The following POGLUT3 variants were observed in gnomAD, a reference collection of about 807,000 sequenced individuals.
POGLUT3 encodes protein O-glucosyltransferase 3, also known as KDEL (Lys-Asp-Glu-Leu) containing 2.
In POGLUT3, 48 loss-of-function variants were observed where a neutral mutation model predicts 54.3. That is an observed-to-expected ratio of 0.88 (90% CI 0.70 to 1.12). The LOEUF is 1.12. Among genes scored for constraint, POGLUT3 ranks in the 50% most tolerant of loss-of-function variants. The pLI is 0.00. For missense variants in POGLUT3, 629 were observed against 618.7 expected, an observed-to-expected ratio of 1.02 and a Z score of -0.18; for synonymous variants, 218 against 237.4, an observed-to-expected ratio of 0.92 and a Z score of 0.75.
intron 5 of POGLUT3, among the ~76,000 whole-genome samples, chr11:108,480,956 T>C (rs2093591170): frequency 6.6e-6 from 1 of 151,866 alleles, no homozygotes; most frequent in Admixed American, 6.6e-5. Flanking sequence ...TTAATCCTTG[T>C]ACTATATTTT....
rs11351337 is a variant in POGLUT3 at position 108,493,803 on chromosome 11, C to CAA, written c.203-2638_203-2637dup. ...TGGGCAACAAAGCTAGACTCTGTCT[C>CAA]AAAAAAAAAAAAAAAAAAAAAGAAT... On this transcript the variant is annotated intron_variant, in intron 1 of 7. Coordinates refer to ENST00000323468, the MANE Select transcript of POGLUT3 (RefSeq NM_153705.5). Among the ~76,000 whole-genome samples the CAA allele has an allele frequency of 5.4e-3, 444 of 81,826 alleles. 4 individuals carry two copies. Among genetic ancestry groups the CAA allele is most frequent in the Non-Finnish European group, 7.1e-3 (293 of 41,422 alleles). 53.7% of individuals were successfully genotyped at this position (81,826 alleles called of 152,430 possible).
chr11:108,489,468 A>G (rs1395371133), intron 2 of POGLUT3, among the ~76,000 whole-genome samples: 2 of 152,210 alleles, frequency 1.3e-5, no homozygotes, highest in African/African-American at 4.8e-5. Context: ...TAAAGAGAAA[A>G]CCTTAAAAGC....
In POGLUT3 at chr11:108,479,477, C is replaced by T. The variant is rs564905175; in HGVS notation, c.1117G>A (p.Val373Met). ...CTGTAAGCAGCCACGGTCCCATCCA[C>T]ATTTACTTGATACTTGTACTGGAAG... ...DFFKYKYQVN[V>M]DGTVAAYRYP... Residue 373 changes from valine to methionine, a missense_variant, in exon 6 of 8, where the codon GTG becomes ATG. Coordinates refer to ENST00000323468, the MANE Select transcript of POGLUT3 (RefSeq NM_153705.5). 1.1e-5 allele frequency: 18 copies of T among 1,594,004 alleles called. No individual in the cohort carries two copies. The South Asian group carries it at 2.0e-4, about 17-fold the overall frequency.
chr11:108,478,230 C>T (rs1203940252), intron 6 of POGLUT3: 1 of 152,712 alleles, frequency 6.5e-6, no homozygotes, highest in Non-Finnish European at 1.5e-5. Flanking sequence ...AGAGTATTTT[C>T]CTAGACATCT....
chr11:108,490,977 A>G lies in POGLUT3; in HGVS notation c.393T>C (p.Ile131=), dbSNP rs369256200. 41 of 1,613,546 alleles carry G rather than the reference A, an allele frequency of 2.5e-5. No homozygotes were observed. Among genetic ancestry groups the G allele is most frequent in the Non-Finnish European group, 3.4e-5 (40 of 1,179,560 alleles). ...TATATAATAATCACTTACCTTTCAA[A>G]ATATAGGGAGACTGAGCCACATGTT... ...GDEHVAQSPY[I]LKGPVYHEYC... The change falls in exon 2 of 8, where the codon ATT becomes ATC. Residue 131 remains isoleucine (I), a synonymous_variant. Transcript: ENST00000323468.
At chr11:108,489,221 G>A (rs138837455) in intron 2 of POGLUT3, among the ~76,000 whole-genome samples, 2 of 152,252 alleles carry the variant, frequency 1.3e-5, no homozygotes, top group East Asian at 1.9e-4. Context: ...AAAGGGTATC[G>A]ATGAACCACA....
chr11:108,492,835 G>A (rs72997833), intron 1 of POGLUT3, among the ~76,000 whole-genome samples: 19,426 of 152,082 alleles, frequency 0.13, 1,436 homozygotes, highest in Non-Finnish European at 0.15. Context: ...AGAAATGTTG[G>A]CCAGTTACCT....
chr11:108,485,905 G>A (rs1212225236), intron 3 of POGLUT3, among the ~76,000 whole-genome samples: 3 of 152,088 alleles, frequency 2.0e-5, no homozygotes, highest in African/African-American at 7.2e-5. Flanking sequence ...TGATCCACCC[G>A]CCTCAGCCTC....
intron 7 of POGLUT3, 152 bp downstream of exon 7, chr11:108,477,455 C>T: frequency 1.7e-6 from 1 of 586,630 alleles, no homozygotes; most frequent in Non-Finnish European, 3.0e-6. Flanking sequence ...GAAGACTTAG[C>T]ACTATCTTTC....
rs554949815 is a variant in POGLUT3 at position 108,485,856 on chromosome 11, C to T, written c.684+301G>A. 2.6e-5 allele frequency among the ~76,000 whole-genome samples: 4 copies of T among 152,142 alleles called. No individual in the cohort carries two copies. The East Asian group carries it at 7.7e-4, about 29-fold the overall frequency. On this transcript the variant is annotated intron_variant, in intron 3 of 7. Coordinates refer to ENST00000323468, the MANE Select transcript of POGLUT3 (RefSeq NM_153705.5). Reference sequence around the variant, plus strand: ...TATTTTTAGTAGAGATGGGGTTTTGCCATGTTGGCCAGGCTGGCCTTGAAC... The same window carrying T: ...TATTTTTAGTAGAGATGGGGTTTTGTCATGTTGGCCAGGCTGGCCTTGAAC...
rs185201366 is a variant in POGLUT3, at chr11:108,478,722, C to T, written c.1293+579G>A. Among the ~76,000 whole-genome samples, 696 of 152,240 alleles carry T rather than the reference C, an allele frequency of 4.6e-3. 18 individuals carry two copies. Among genetic ancestry groups the T allele is most frequent in the Non-Finnish European group, 2.3e-3 (157 of 68,024 alleles). On this transcript the variant is annotated intron_variant, in intron 6 of 7. Coordinates refer to ENST00000323468, the MANE Select transcript of POGLUT3 (RefSeq NM_153705.5). ...GTCACAAAAGTGATTCTGCCTCAGG[C>T]GCCCAATTATTTCTATAACCATATA... is the stretch of plus-strand genomic sequence containing the variant.
Position 108,498,206 on chromosome 11 carries a change from G to A in POGLUT3, c.161C>T (p.Ala54Val), listed in dbSNP as rs776539469. The A allele has an allele frequency of 1.2e-5, 18 of 1,520,820 alleles. No individual in the cohort carries two copies. In the African/African-American group the frequency reaches 1.9e-4, roughly 16 times the overall value. The allele number at this position is 1,520,820 out of a possible 1,614,324, so 94.2% of individuals were successfully genotyped here. A position where few individuals can be genotyped will look rare whatever the true frequency, so the allele number is the denominator to read the frequency against. Residue 54 changes from alanine to valine, a missense_variant, in exon 1 of 8, where the codon GCG becomes GTG. Ala to Val is a moderately conservative substitution (Grantham distance 64). Coordinates refer to ENST00000323468, the MANE Select transcript of POGLUT3 (RefSeq NM_153705.5). ...GAGGTTCTGGCCCTCCGAGTTGACC[G>A]CCTGCAGGTAGAAATAGCGGACCGG... Reference protein sequence around the residue: ...VLPVRYFYLQAVNSEGQNLTR... With the variant: ...VLPVRYFYLQVVNSEGQNLTR...
At chr11:108,485,682 G>T in intron 3 of POGLUT3, among the ~76,000 whole-genome samples, 1 of 135,344 alleles carries the variant, frequency 7.4e-6, no homozygotes, top group African/African-American at 2.7e-5. Flanking sequence ...ATTTGAGATG[G>T]AGTCTCACTC....
Position 108,498,146 on chromosome 11 carries a change from G to C in POGLUT3, c.202+19C>G. 1 of 1,497,206 alleles carries C rather than the reference G, an allele frequency of 6.7e-7. No individual in the cohort carries two copies. The highest frequency in any genetic ancestry group is 8.9e-7 in the Non-Finnish European group (1 of 1,123,186). 92.7% of individuals were successfully genotyped at this position (1,497,206 alleles called of 1,614,324 possible). A position where few individuals can be genotyped will look rare whatever the true frequency, so the allele number is the denominator to read the frequency against. The stretch of plus-strand genomic sequence containing the variant: ...GGGACCCGGCCGCGGGACGAGGGAG[G>C]CCGGCGGCTGGACACTACCTGCGGG... On this transcript the variant is annotated intron_variant, in intron 1 of 7. Transcript: ENST00000323468.
chr11:108,488,185 A>G, intron 2 of POGLUT3, among the ~76,000 whole-genome samples: 1 of 151,550 alleles, frequency 6.6e-6, no homozygotes. Context: ...CACCACGCCC[A>G]ACTAATTTTT....
intron 1 of POGLUT3, 106 bp from the exon 2 acceptor site, chr11:108,491,273 C>T: frequency 1.2e-6 from 1 of 857,282 alleles, no homozygotes; most frequent in East Asian, 2.7e-5. Flanking sequence ...TTTCCTGCAG[C>T]ATTGGTGGTT....
intron 1 of POGLUT3, among the ~76,000 whole-genome samples, chr11:108,492,559 G>A (rs190332446): frequency 1.3e-5 from 2 of 152,306 alleles, no homozygotes; most frequent in Non-Finnish European, 2.9e-5. Flanking sequence ...TAAATCGAGT[G>A]AGTGTAATAT....
chr11:108,487,355 A>G (rs1017918994), intron 2 of POGLUT3, among the ~76,000 whole-genome samples: 6 of 152,106 alleles, frequency 3.9e-5, no homozygotes, highest in African/African-American at 1.2e-4. Context: ...GGTTCTCAGG[A>G]TGTCCTGAGG....
chr11:108,491,547 A>T, intron 1 of POGLUT3: 4 of 246,158 alleles, frequency 1.6e-5, no homozygotes, highest in East Asian at 1.8e-4. Flanking sequence ...AATTTTTTGT[A>T]GAGATGGTGG....
Sources: gnomAD v4.1 joint callset for allele counts (sites outside exome capture counted in the v4.1 genomes callset) on GRCh38, gnomAD v4.1.1 for gene constraint, MANE v1.5 for transcripts, NCBI Gene and HGNC (gene_info 2026-07-23, HGNC 2026-07-21) for gene names.